GPC5: variants seen among roughly 807,000 people sequenced by gnomAD.
GPC5 encodes glypican 5.
A neutral mutation model predicts 53.9 loss-of-function variants in GPC5; 47 were observed. The ratio of observed to expected loss-of-function variants is 0.87; its 90% CI spans 0.69 to 1.11. The LOEUF (loss-of-function observed/expected upper bound fraction) is 1.11, where lower values mean the gene tolerates loss of function less well. Ranked by LOEUF, GPC5 falls within the 50% of genes most tolerant of loss-of-function variation. The pLI, the probability that GPC5 is intolerant of heterozygous loss-of-function variation, is 0.00. For missense variants in GPC5, 748 were observed against 713.1 expected (o/e 1.05, Z -0.56); for synonymous variants, 286 against 263.3 (o/e 1.09, Z -0.84).
intron 7 of GPC5, among the ~76,000 whole-genome samples, chr13:92,358,338 C>A (rs574423910): frequency 8.9e-6 from 1 of 112,056 alleles, no homozygotes; most frequent in African/African-American, 5.6e-5. Flanking sequence ...GGGAACAGAC[C>A]CTGTGGCTGC....
intron 5 of GPC5, among the ~76,000 whole-genome samples, chr13:91,776,519 A>G (rs2037713407): frequency 6.6e-6 from 1 of 152,188 alleles, no homozygotes; most frequent in Admixed American, 6.5e-5. Flanking sequence ...TCTATTAAAG[A>G]GGTGTCATTA....
At chr13:92,142,040 C>G (rs2138979918) in intron 6 of GPC5, among the ~76,000 whole-genome samples, 1 of 152,158 alleles carries the variant, frequency 6.6e-6, no homozygotes, top group Non-Finnish European at 1.5e-5. Context: ...TGGTGATAGT[C>G]AGAGGAAACT....
intron 6 of GPC5, among the ~76,000 whole-genome samples, chr13:91,956,629 C>T (rs1216871039): frequency 6.6e-6 from 1 of 152,172 alleles, no homozygotes; most frequent in African/African-American, 2.4e-5. Flanking sequence ...ACCTACCTGG[C>T]ATCCCTATCT....
intron 7 of GPC5, among the ~76,000 whole-genome samples, chr13:92,530,608 C>T (rs899000754): frequency 4.0e-5 from 6 of 151,894 alleles, no homozygotes; most frequent in African/African-American, 9.7e-5. Context: ...ACTTGTGTAC[C>T]GAAGAGGAAA....
At chr13:92,490,719 T>C (rs1879729877) in intron 7 of GPC5, among the ~76,000 whole-genome samples, 1 of 152,132 alleles carries the variant, frequency 6.6e-6, no homozygotes, top group Non-Finnish European at 1.5e-5. Flanking sequence ...TATTATCTTA[T>C]ATTTGAAAAG....
intron 7 of GPC5, among the ~76,000 whole-genome samples, chr13:92,771,497 C>T (rs963343846): frequency 5.9e-5 from 9 of 151,996 alleles, no homozygotes; most frequent in Non-Finnish European, 1.0e-4. Flanking sequence ...CGCCTGCCAC[C>T]ATGCCCGGCT....
chr13:92,244,765 C>A (rs1408096769), intron 7 of GPC5, among the ~76,000 whole-genome samples: 2 of 151,984 alleles, frequency 1.3e-5, no homozygotes, highest in Non-Finnish European at 2.9e-5. Flanking sequence ...GTTGGCTGGG[C>A]GCAATGGCTC....
At chr13:92,589,688 G>T (rs962869284) in intron 7 of GPC5, among the ~76,000 whole-genome samples, 1 of 152,196 alleles carries the variant, frequency 6.6e-6, no homozygotes, top group African/African-American at 2.4e-5. Flanking sequence ...CAACAAATAA[G>T]GTAATCAGGT....
intron 7 of GPC5, among the ~76,000 whole-genome samples, chr13:92,258,092 T>G (rs756854974): frequency 1.8e-4 from 27 of 152,098 alleles, no homozygotes; most frequent in Non-Finnish European, 3.5e-4. Flanking sequence ...AGTTATAGTT[T>G]AAAAGGAAAA....
intron 7 of GPC5, among the ~76,000 whole-genome samples, chr13:92,668,966 G>A (rs921599491): frequency 4.0e-5 from 6 of 151,880 alleles, no homozygotes; most frequent in African/African-American, 1.5e-4. Flanking sequence ...GAAATTTATT[G>A]CATATTTGAT....
chr13:92,476,072 AC>A (rs1879115179), intron 7 of GPC5, among the ~76,000 whole-genome samples: 1 of 152,168 alleles, frequency 6.6e-6, no homozygotes, highest in Non-Finnish European at 1.5e-5. Flanking sequence ...GAGCTTCTGC[AC>A]AGCAAAAGAA....
intron 7 of GPC5, among the ~76,000 whole-genome samples, chr13:92,551,329 A>G (rs1204882165): frequency 6.6e-6 from 1 of 151,808 alleles, no homozygotes; most frequent in Non-Finnish European, 1.5e-5. Flanking sequence ...AAATAATTAA[A>G]TAAAAATTGA....
intron 6 of GPC5, among the ~76,000 whole-genome samples, chr13:92,103,985 C>T (rs1447025133): frequency 6.6e-6 from 1 of 152,040 alleles, no homozygotes; most frequent in Admixed American, 6.6e-5. Flanking sequence ...ACCATTATTA[C>T]CACTTTATAG....
chr13:91,441,502 A>C (rs1880423351), intron 1 of GPC5, among the ~76,000 whole-genome samples: 1 of 152,198 alleles, frequency 6.6e-6, no homozygotes, highest in South Asian at 2.1e-4. Context: ...CTTGAAAATG[A>C]CTATGGCATT....
intron 2 of GPC5, among the ~76,000 whole-genome samples, chr13:91,521,455 A>T (rs1885811968): frequency 6.6e-6 from 1 of 152,178 alleles, no homozygotes; most frequent in Non-Finnish European, 1.5e-5. Flanking sequence ...CATCATACAG[A>T]TAAATAGAAA....
intron 7 of GPC5, among the ~76,000 whole-genome samples, chr13:92,374,887 A>G (rs536541943): frequency 6.6e-6 from 1 of 151,972 alleles, no homozygotes; most frequent in Non-Finnish European, 1.5e-5. Flanking sequence ...AAATAAAAAA[A>G]AAAGTAAAAT....
At chr13:92,624,019 T>C (rs1482911871) in intron 7 of GPC5, among the ~76,000 whole-genome samples, 3 of 112,996 alleles carry the variant, frequency 2.7e-5, no homozygotes, top group Non-Finnish European at 6.0e-5. Flanking sequence ...CATGCTCGGC[T>C]AATTTTTTTT....
chr13:91,895,162 T>C, intron 5 of GPC5, among the ~76,000 whole-genome samples: 1 of 151,718 alleles, frequency 6.6e-6, no homozygotes. Context: ...GGGGCTCAGG[T>C]GGTTCCCACA....
chr13:92,761,953 G>C (rs535227825), intron 7 of GPC5, among the ~76,000 whole-genome samples: 1 of 151,750 alleles, frequency 6.6e-6, no homozygotes, highest in African/African-American at 2.4e-5. Flanking sequence ...AGAAATAAAA[G>C]AGAAATAAAG....
Sources: gnomAD v4.1 joint callset for allele counts (sites outside exome capture counted in the v4.1 genomes callset) on GRCh38, gnomAD v4.1.1 for gene constraint, MANE v1.5 for transcripts, NCBI Gene and HGNC (gene_info 2026-07-23, HGNC 2026-07-21) for gene names.